TYMP: variants seen among roughly 807,000 people sequenced by gnomAD.
TYMP encodes gliostatin.
A neutral mutation model predicts 42.3 loss-of-function variants in TYMP; 46 were observed. The ratio of observed to expected loss-of-function variants is 1.09; its 90% CI spans 0.86 to 1.39. TYMP has a LOEUF of 1.39. TYMP is among the 40% of genes most tolerant of loss of function. The pLI is 0.00. For synonymous variants in TYMP, 363 were observed against 308.0 expected, an observed-to-expected ratio of 1.18 and a Z score of -1.87; for missense variants, 837 against 677.6, an observed-to-expected ratio of 1.24 and a Z score of -2.61.
chr22:50,527,836 C>T, intron 4 of TYMP, 119 bp from the exon 5 acceptor site: 6 of 1,355,184 alleles, frequency 4.4e-6, no homozygotes, highest in Non-Finnish European at 6.0e-6. Flanking sequence ...GTGCAGTTGG[C>T]ACAATTTCGG....
intron 4 of TYMP, chr22:50,527,938 C>CGAACTA (rs2069456660): frequency 1.9e-6 from 1 of 514,048 alleles, no homozygotes; most frequent in African/African-American, 2.0e-5. Context: ...CCACACGCGG[C>CGAACTA]TTTTTTTTTT....
At chr22:50,527,425 TTGAG>T (rs779295472) in intron 5 of TYMP, 142 bp from the exon 6 acceptor site, 16 of 1,289,788 alleles carry the variant, frequency 1.2e-5, no homozygotes, top group South Asian at 2.4e-5. Flanking sequence ...ACCTGGTGGG[TTGAG>T]TATCAGGCCA....
intron 3 of TYMP, chr22:50,528,853 C>T (rs1221097302): frequency 6.5e-6 from 4 of 613,168 alleles, no homozygotes; most frequent in Admixed American, 2.7e-5. Flanking sequence ...GTCCTCAGCT[C>T]CTCCCTTGGG....
Position 50,526,244 on chromosome 22 carries a change from A to C in TYMP, c.1159+2T>G. 6.5e-7 allele frequency: 1 copy of C among 1,540,414 alleles called. No homozygotes were observed. Among genetic ancestry groups the C allele is most frequent in the Non-Finnish European group, 8.7e-7 (1 of 1,152,700 alleles). On this transcript the variant is annotated splice_donor_variant, in intron 8 of 9. Coordinates refer to ENST00000252029, the MANE Select transcript of TYMP (RefSeq NM_001953.5). LOFTEE classifies it high-confidence loss of function. Reference sequence around the variant, plus strand: ...AAGGACGGGGACTCCCCCGACGCTCACCATCTGCGGGCGCCAGCAGCTCCT... The same window carrying C: ...AAGGACGGGGACTCCCCCGACGCTCCCCATCTGCGGGCGCCAGCAGCTCCT...
chr22:50,526,400 G>A lies in TYMP; in HGVS notation c.1005C>T (p.Asp335=), dbSNP rs1211483613. 1.3e-6 allele frequency: 2 copies of A among 1,518,694 alleles called. No individual in the cohort carries two copies. Among genetic ancestry groups the A allele is most frequent in the Non-Finnish European group, 1.7e-6 (2 of 1,143,272 alleles). The allele number at this position is 1,518,694 out of a possible 1,614,324, so 94.1% of individuals were successfully genotyped here. Residue 335 remains aspartate, a synonymous_variant, in exon 8 of 10, where the codon GAC becomes GAT. Coordinates refer to ENST00000252029, the MANE Select transcript of TYMP (RefSeq NM_001953.5). ...CGAAGCGGCCAAGGGCCGAGCCGTCGTCCAGCGCCGCGGCCACCCGGGCAG... is the reference window on the plus strand; with the variant it reads ...CGAAGCGGCCAAGGGCCGAGCCGTCATCCAGCGCCGCGGCCACCCGGGCAG... The part of the protein sequence containing the change: ...QGAARVAAAL[D]DGSALGRFER...
chr22:50,526,441 TC>T lies in TYMP; in HGVS notation c.963del (p.Thr322LeufsTer?). 6.7e-7 allele frequency: 1 copy of T among 1,497,634 alleles called. No homozygotes were observed. 92.8% of individuals were successfully genotyped at this position (1,497,634 alleles called of 1,614,324 possible). ...GALLWLSGHA[G>X]TQAQGAARVA... The stretch of plus-strand genomic sequence containing the variant: ...ACCCGGGCAGCGCCCTGGGCCTGAG[TC>T]CCCGCGTGTCCGCTGAGCCAGAGCA... On this transcript the variant is annotated frameshift_variant, in exon 8 of 10. Transcript: ENST00000252029. LOFTEE classifies it high-confidence loss of function.
intron 4 of TYMP, 113 bp downstream of exon 4, chr22:50,528,399 T>C (rs1313589361): frequency 5.4e-6 from 5 of 932,682 alleles, no homozygotes; most frequent in Non-Finnish European, 8.5e-6. Context: ...ATGAGTAACC[T>C]TGACCAGTGT....
Position 50,525,791 on chromosome 22 carries a change from G to T in TYMP, c.1428C>A (p.Leu476=). 1 of 1,610,830 alleles carries T rather than the reference G, an allele frequency of 6.2e-7. No individual in the cohort carries two copies. Among genetic ancestry groups the T allele is most frequent in the Non-Finnish European group, 8.5e-7 (1 of 1,179,068 alleles). The change falls in exon 10 of 10, where the codon CTC becomes CTA. Residue 476 remains leucine (L), a synonymous_variant. Coordinates refer to ENST00000252029, the MANE Select transcript of TYMP (RefSeq NM_001953.5). ...AGCTTTATTGCTGCGGCGGCAGAACGAGCTCTGCGAAGGGCGAGGGGGCGG... is the reference window on the plus strand; with the variant it reads ...AGCTTTATTGCTGCGGCGGCAGAACTAGCTCTGCGAAGGGCGAGGGGGCGG... ...PFAAPSPFAE[L]VLPPQQ
intron 8 of TYMP, 50 bp from the exon 9 acceptor site, chr22:50,526,191 CGGGAA>C: frequency 6.8e-7 from 1 of 1,477,738 alleles, no homozygotes; most frequent in Non-Finnish European, 8.9e-7. Flanking sequence ...GGCGGGGCCT[CGGGAA>C]GGGAAGGGGA....
chr22:50,529,981 T>A lies in TYMP; in HGVS notation c.-88A>T. 1.8e-6 allele frequency: 1 copy of A among 543,284 alleles called. No homozygotes were observed. 33.7% of individuals were successfully genotyped at this position (543,284 alleles called of 1,614,324 possible). The stretch of plus-strand genomic sequence containing the variant: ...CGGCCTCGCCCGCGGGTCGGGACCG[T>A]AGGGTTCAGGGTTCGCGCACAGCGG... On this transcript the variant is annotated 5_prime_UTR_variant, in exon 1 of 10. Coordinates refer to ENST00000252029, the MANE Select transcript of TYMP (RefSeq NM_001953.5).
intron 9 of TYMP, 29 bp downstream of exon 9, chr22:50,525,972 G>A (rs1156333019): frequency 2.2e-6 from 3 of 1,384,362 alleles, no homozygotes; most frequent in African/African-American, 3.1e-5. Context: ...GCGGGGGTGC[G>A]GGGCCAGCAG....
intron 5 of TYMP, 128 bp downstream of exon 5, chr22:50,527,460 G>C: frequency 2.7e-6 from 4 of 1,459,936 alleles, no homozygotes; most frequent in South Asian, 2.3e-5. Flanking sequence ...TGGTGGTCAG[G>C]CATCTTGTGA....
upstream of TYMP, chr22:50,530,060 G>A: frequency 3.0e-6 from 1 of 331,078 alleles, no homozygotes; most frequent in Non-Finnish European, 5.5e-6. Flanking sequence ...GGGTGGGGCC[G>A]CCTGGAGGGC....
At position 50,526,585 on chromosome 22, in the gene TYMP, T is replaced by G; in HGVS notation, c.919A>C (p.Thr307Pro). 6.3e-7 allele frequency: 1 copy of G among 1,576,916 alleles called. No individual in the cohort carries two copies. The highest frequency in any genetic ancestry group is 8.6e-7 in the Non-Finnish European group (1 of 1,162,450). ...ACCCCGTCCCCCTCACCGAGCGTGG[T>G]GACCAGGTCCCTTAAGTCTGGCGGG... is the stretch of plus-strand genomic sequence containing the variant. ...AGPPDLRDLV[T>P]TLGGALLWLS... The change falls in exon 7 of 10, where the codon ACC becomes CCC. Residue 307 changes from threonine (T) to proline (P), a missense_variant. Coordinates refer to ENST00000252029, the MANE Select transcript of TYMP (RefSeq NM_001953.5).
rs1387151512 is a variant in TYMP, at chr22:50,529,518, C to T, written c.192G>A (p.Gly64=). The change falls in exon 2 of 10, where the codon GGG becomes GGA. Residue 64 remains glycine (G), a synonymous_variant. Transcript: ENST00000252029. The part of the protein sequence containing the change: ...IRGFVAAVVN[G]SAQGAQIGAM... ...CACCGATCTGTGCGCCCTGCGCGCTCCCATTCACCACAGCGGCCACGAAGC... is the reference window on the plus strand; with the variant it reads ...CACCGATCTGTGCGCCCTGCGCGCTTCCATTCACCACAGCGGCCACGAAGC... 14 of 1,612,852 alleles carry T rather than the reference C, an allele frequency of 8.7e-6. No individual in the cohort carries two copies. The highest frequency in any genetic ancestry group is 1.3e-5 in the African/African-American group (1 of 74,952).
rs894660145 is a variant in TYMP, at chr22:50,526,240, G to C, written c.1159+6C>G. ...GCGGAAGGACGGGGACTCCCCCGAC[G>C]CTCACCATCTGCGGGCGCCAGCAGC... On this transcript the variant is annotated splice_donor_region_variant and intron_variant, in intron 8 of 9. Coordinates refer to ENST00000252029, the MANE Select transcript of TYMP (RefSeq NM_001953.5). 2 of 1,536,714 alleles carry C rather than the reference G, an allele frequency of 1.3e-6. No homozygotes were observed. Among genetic ancestry groups the C allele is most frequent in the African/African-American group, 1.4e-5 (1 of 70,520 alleles).
In TYMP at chr22:50,525,890, G is replaced by T. The variant is rs897999639; in HGVS notation, c.1329C>A (p.Asp443Glu). 4 of 1,572,226 alleles carry T rather than the reference G, an allele frequency of 2.5e-6. No individual in the cohort carries two copies. The highest frequency in any genetic ancestry group is 3.4e-6 in the Non-Finnish European group (4 of 1,160,902). ...RGTPWLRVHR[D>E]GPALSGPQSR... is the part of the protein sequence containing the mutation. ...TCTGCGGGCCGCTGAGCGCGGGGCC[G>T]TCCCGGTGCACGCGGAGCCAGGGGG... The change falls in exon 10 of 10, where the codon GAC (aspartate) becomes GAA (glutamate). Residue 443 changes from aspartate to glutamate, a missense_variant. Transcript: ENST00000252029.
At position 50,526,843 on chromosome 22, in the gene TYMP, G is replaced by A. The variant is rs1317631855; in HGVS notation, c.766-105C>T. On this transcript the variant is annotated intron_variant, in intron 6 of 9. Transcript: ENST00000252029. ...TGCACCCTGGGTTGCCAGCCCCCCA[G>A]CATGAAGTCAGGGAAGGATTGGGGT... 4.1e-6 allele frequency: 5 copies of A among 1,230,678 alleles called. No homozygotes were observed. The Admixed American group carries it at 1.1e-4, about 28-fold the overall frequency. The allele number at this position is 1,230,678 out of a possible 1,614,324, so 76.2% of individuals were successfully genotyped here. A position where few individuals can be genotyped will look rare whatever the true frequency, so the allele number is the denominator to read the frequency against.
chr22:50,526,788 G>A (rs1357726305), intron 6 of TYMP, 50 bp from the exon 7 acceptor site: 1 of 1,522,414 alleles, frequency 6.6e-7, no homozygotes, highest in Admixed American at 2.0e-5. Flanking sequence ...GCCTTCTGCA[G>A]CCGGTTCTTG....
Sources: allele counts gnomAD v4.1 joint callset, GRCh38; gene constraint gnomAD v4.1.1; transcripts MANE v1.5; gene names NCBI Gene and HGNC (gene_info 2026-07-23, HGNC 2026-07-21).